The following KTN1 variants were observed in gnomAD, a reference collection of about 807,000 sequenced individuals.
KTN1 encodes kinectin 1, also known as kinectin.
In KTN1, 130 loss-of-function variants were observed where a neutral mutation model predicts 222.5. The observed-to-expected ratio is 0.58, with a 90% CI of 0.51 to 0.68. The LOEUF (loss-of-function observed/expected upper bound fraction) is 0.68, where lower values mean the gene tolerates loss of function less well. KTN1 is among the 30% of genes least tolerant of loss of function. KTN1 has a pLI of 0.00. For missense variants in KTN1, 1,508 were observed against 1,500.4 expected, an observed-to-expected ratio of 1.01 and a Z score of -0.08; for synonymous variants, 512 against 496.3, an observed-to-expected ratio of 1.03 and a Z score of -0.42.
At chr14:55,596,154 C>CAAAAAAAAAAAAAA (rs71448460) in intron 1 of KTN1, among the ~76,000 whole-genome samples, 14 of 61,040 alleles carry the variant, frequency 2.3e-4, no homozygotes, top group African/African-American at 3.4e-4. Context: ...GACTCAATAG[C>CAAAAAAAAAAAAAA]AAAAAAAAAA....
At chr14:55,601,167 C>T (rs191735678) in intron 1 of KTN1, among the ~76,000 whole-genome samples, 97 of 152,296 alleles carry the variant, frequency 6.4e-4, no homozygotes, top group African/African-American at 2.1e-3. Context: ...TTTCATTACT[C>T]ATTTCTGGCA....
rs768915865 is a variant in KTN1 at position 55,671,866 on chromosome 14, AC to A, written c.3521del (p.Thr1174IlefsTer16). 1 of 1,572,096 alleles carries A rather than the reference AC, an allele frequency of 6.4e-7. No individual in the cohort carries two copies. The highest frequency in any genetic ancestry group is 8.8e-7 in the Non-Finnish European group (1 of 1,141,974). ...AGTTAAGGTCGATGAATCACACAAG[AC>A]TATTAAACAGGTATTTACAAAAGAA... ...WKVKVDESHKTIKQMQSSFTS... is the reference protein window; with the variant it reads ...WKVKVDESHKXIKQMQSSFTS... On this transcript the variant is annotated frameshift_variant, in exon 37 of 44. Transcript: ENST00000395314. LOFTEE classifies it high-confidence loss of function.
chr14:55,646,499 CCTTTCCTTT>C (rs1566788939), intron 18 of KTN1, among the ~76,000 whole-genome samples: 30 of 108,178 alleles, frequency 2.8e-4, no homozygotes, highest in African/African-American at 1.1e-3. Context: ...CCTTTCCTTT[CCTTTCCTTT>C]CCTTTCCTTT....
At chr14:55,605,351 T>C (rs1420453636) in intron 1 of KTN1, among the ~76,000 whole-genome samples, 1 of 152,190 alleles carries the variant, frequency 6.6e-6, no homozygotes, top group Non-Finnish European at 1.5e-5. Flanking sequence ...TCTAATTCTT[T>C]AGCTCGTTTC....
intron 34 of KTN1, among the ~76,000 whole-genome samples, chr14:55,669,120 A>T (rs2045201060): frequency 6.6e-6 from 1 of 152,074 alleles, no homozygotes; most frequent in South Asian, 2.1e-4. Context: ...ATTTATGGAA[A>T]TAATACTGGG....
intron 43 of KTN1, chr14:55,682,622 A>G (rs2046467216): frequency 6.6e-6 from 1 of 152,114 alleles, no homozygotes; most frequent in African/African-American, 2.4e-5. Context: ...AATCTTCACA[A>G]CCACCCTGTG....
chr14:55,644,511 G>C, intron 18 of KTN1: 1 of 624,674 alleles, frequency 1.6e-6, no homozygotes, highest in South Asian at 1.7e-5. Flanking sequence ...CAGATGGTCA[G>C]ATAATGCAAA....
intron 1 of KTN1, among the ~76,000 whole-genome samples, chr14:55,600,520 G>T (rs755333675): frequency 1.2e-4 from 18 of 152,136 alleles, no homozygotes; most frequent in Non-Finnish European, 2.2e-4. Flanking sequence ...AATAAAAGGG[G>T]TTTATGGGAG....
At chr14:55,581,528 G>A (rs1313976313) in intron 1 of KTN1, among the ~76,000 whole-genome samples, 1 of 151,570 alleles carries the variant, frequency 6.6e-6, no homozygotes, top group South Asian at 2.1e-4. Flanking sequence ...AACTGTTAAG[G>A]TGTGTGTGTG....
chr14:55,595,105 CTG>C (rs2034799906), intron 1 of KTN1, among the ~76,000 whole-genome samples: 1 of 152,166 alleles, frequency 6.6e-6, no homozygotes, highest in Admixed American at 6.5e-5. Flanking sequence ...CTTTCTTGCT[CTG>C]CATATGTACA....
At chr14:55,680,036 C>A (rs1413761009) in intron 43 of KTN1, 3 of 191,596 alleles carry the variant, frequency 1.6e-5, no homozygotes, top group Non-Finnish European at 3.2e-5. Context: ...TTTCTCCCCC[C>A]TCCCTTCCTT....
chr14:55,656,041 G>A lies in KTN1; in HGVS notation c.2802-1G>A. ...ATGCAGATCTTTGTAAAAAATTCTA[G>A]GTTGAAAGAAAAGGAAAATGAATTG... is the stretch of plus-strand genomic sequence containing the variant. On this transcript the variant is annotated splice_acceptor_variant, in intron 28 of 43. Coordinates refer to ENST00000395314, the MANE Select transcript of KTN1 (RefSeq NM_001079521.2). LOFTEE classifies it high-confidence loss of function. 1 of 1,584,682 alleles carries A rather than the reference G, an allele frequency of 6.3e-7. No homozygotes were observed. The highest frequency in any genetic ancestry group is 8.6e-7 in the Non-Finnish European group (1 of 1,160,554).
At chr14:55,606,550 A>G (rs1199249593) in intron 1 of KTN1, among the ~76,000 whole-genome samples, 1 of 152,154 alleles carries the variant, frequency 6.6e-6, no homozygotes, top group Non-Finnish European at 1.5e-5. Context: ...ATTGTTTTTA[A>G]TGTGAAGAAA....
At chr14:55,599,555 G>A (rs1211065730) in intron 1 of KTN1, among the ~76,000 whole-genome samples, 3 of 150,676 alleles carry the variant, frequency 2.0e-5, no homozygotes, top group Admixed American at 6.6e-5. Flanking sequence ...AACCTCTGCC[G>A]CACAGAAGCA....
rs752669517 is a variant in KTN1, at chr14:55,653,562, T to A, written c.2767T>A (p.Ser923Thr). The change falls in exon 28 of 44, where the codon TCT becomes ACT. Residue 923 changes from serine to threonine, a missense_variant. Ser to Thr is a moderately conservative substitution (Grantham distance 58). Coordinates refer to ENST00000395314, the MANE Select transcript of KTN1 (RefSeq NM_001079521.2). ...AAAATATGATTCTGTTTCTCAGGCC[T>A]CTTCTGCATCACAGTTTGAAGAACT... The part of the protein sequence containing the change: ...EVAQHNLKEA[S>T]SASQFEELEI... 1.2e-6 allele frequency: 2 copies of A among 1,610,238 alleles called. No individual in the cohort carries two copies. The highest frequency in any genetic ancestry group is 2.2e-5 in the East Asian group (1 of 44,682).
chr14:55,677,257 C>T (rs1203836836), intron 41 of KTN1, among the ~76,000 whole-genome samples: 7 of 152,098 alleles, frequency 4.6e-5, no homozygotes, highest in Admixed American at 4.6e-4. Flanking sequence ...GGGCGGATCA[C>T]CTGAGGTCAG....
At chr14:55,626,587 T>A (rs1396874857) in intron 5 of KTN1, among the ~76,000 whole-genome samples, 4 of 152,092 alleles carry the variant, frequency 2.6e-5, no homozygotes, top group African/African-American at 4.8e-5. Flanking sequence ...CTGTTTTGTT[T>A]TGTTTTGTTT....
chr14:55,665,883 C>T (rs2044682025), intron 33 of KTN1, among the ~76,000 whole-genome samples: 1 of 151,798 alleles, frequency 6.6e-6, no homozygotes, highest in Non-Finnish European at 1.5e-5. Flanking sequence ...GTTTGTGGCT[C>T]TTGGTTATGT....
chr14:55,637,161 GAA>G (rs1220601714), intron 10 of KTN1, 35 bp from the exon 11 acceptor site: 1 of 1,498,720 alleles, frequency 6.7e-7, no homozygotes. Flanking sequence ...ACTAGGCAAA[GAA>G]AGAGACCTCT....
Sources: gnomAD v4.1 joint callset for allele counts (sites outside exome capture counted in the v4.1 genomes callset) on GRCh38, gnomAD v4.1.1 for gene constraint, MANE v1.5 for transcripts, NCBI Gene and HGNC (gene_info 2026-07-23, HGNC 2026-07-21) for gene names.